Variants in ADGRE1 observed in about 807,000 individuals in gnomAD.
ADGRE1 encodes EGF-like module receptor 1.
ADGRE1 carries 82 observed loss-of-function variants against 102.7 expected under a neutral mutation model. That is an observed-to-expected ratio of 0.80 (90% CI 0.67 to 0.96). The LOEUF (loss-of-function observed/expected upper bound fraction) is 0.96, where lower values mean the gene tolerates loss of function less well. Ranked by LOEUF, ADGRE1 falls within the 40% of genes least tolerant of loss-of-function variation. The probability of loss-of-function intolerance (pLI) is 0.00; values close to 1 mark genes in which losing one functional copy is unlikely to be tolerated. For synonymous variants in ADGRE1, 398 were observed against 399.6 expected, an observed-to-expected ratio of 1.00 and a Z score of 0.05; for missense variants, 1,032 against 1,085.3, an observed-to-expected ratio of 0.95 and a Z score of 0.69.
At chr19:6,893,167 A>G (rs1568334794) in intron 2 of ADGRE1, among the ~76,000 whole-genome samples, 1 of 152,142 alleles carries the variant, frequency 6.6e-6, no homozygotes, top group Non-Finnish European at 1.5e-5. Context: ...TGTTTCTGCA[A>G]AGGATGGGAT....
In ADGRE1 at chr19:6,887,579, C is replaced by A; in HGVS notation, c.-30C>A. The A allele has an allele frequency of 6.2e-7, 1 of 1,610,906 alleles. No homozygotes were observed. Among genetic ancestry groups the A allele is most frequent in the Non-Finnish European group, 8.5e-7 (1 of 1,178,732 alleles). The stretch of plus-strand genomic sequence containing the variant: ...AAACCCAGCGTTAGTAGAAAAGTTT[C>A]TTTTCTTTGAATGACAGAACTACAG... On this transcript the variant is annotated 5_prime_UTR_variant, in exon 1 of 21. Coordinates refer to ENST00000312053, the MANE Select transcript of ADGRE1 (RefSeq NM_001974.5).
rs1973960701 is a variant in ADGRE1, at chr19:6,906,457, A to T, written c.974A>T (p.Asp325Val). Residue 325 changes from aspartate to valine, a missense_variant, in exon 9 of 21, where the codon GAT becomes GTT. Transcript: ENST00000312053. ...CQRVLFKCKE[D>V]VIPDNKQIQQ... Reference sequence around the variant, plus strand: ...GGGGTTCTCTTCAAATGTAAGGAAGATGTGATACCCGATAATAAGCAGATC... The same window carrying T: ...GGGGTTCTCTTCAAATGTAAGGAAGTTGTGATACCCGATAATAAGCAGATC... 3 of 1,613,900 alleles carry T rather than the reference A, an allele frequency of 1.9e-6. No individual in the cohort carries two copies. The highest frequency in any genetic ancestry group is 2.2e-5 in the East Asian group (1 of 44,882).
chr19:6,901,275 A>G (rs149028459), intron 5 of ADGRE1, among the ~76,000 whole-genome samples: 36 of 152,324 alleles, frequency 2.4e-4, no homozygotes, highest in African/African-American at 8.4e-4. Context: ...TGGGTCTCAC[A>G]TGTCTGGGGC....
chr19:6,898,325 A>T lies in ADGRE1; in HGVS notation c.514+778A>T, dbSNP rs1973645038. ...TGTCTAGATATTGATGAATGTTCTC[A>T]AAGCCCCCAGCCCTGTGGTCCTAAT... On this transcript the variant is annotated intron_variant, in intron 5 of 20. Coordinates refer to ENST00000312053, the MANE Select transcript of ADGRE1 (RefSeq NM_001974.5). 9 of 1,597,432 alleles carry T rather than the reference A, an allele frequency of 5.6e-6. No individual in the cohort carries two copies. The Admixed American group carries it at 1.5e-4, about 27-fold the overall frequency.
At chr19:6,922,387 G>A (rs936566110) in intron 14 of ADGRE1, among the ~76,000 whole-genome samples, 8 of 151,950 alleles carry the variant, frequency 5.3e-5, no homozygotes, top group East Asian at 1.9e-4. Flanking sequence ...AGGCTGAGGC[G>A]GGCGGATCAT....
chr19:6,903,279 C>T (rs565704390), intron 6 of ADGRE1, among the ~76,000 whole-genome samples: 22 of 152,296 alleles, frequency 1.4e-4, no homozygotes, highest in African/African-American at 5.1e-4. Context: ...CACTGGTGGG[C>T]ATGTCTTATG....
rs796577847 is a variant in ADGRE1 at position 6,897,097 on chromosome 19, T to G, written c.239-52T>G. The G allele has an allele frequency of 7.2e-6, 6 of 837,490 alleles. No homozygotes were observed. In the African/African-American group the frequency reaches 1.8e-4, roughly 25 times the overall value. 51.9% of individuals were successfully genotyped at this position (837,490 alleles called of 1,614,324 possible). Reference sequence around the variant, plus strand: ...TTTTTTTTTTTTTTTTTTTGCAAAATACAGTCTTCTATCTAGTATAAGTAA... The same window carrying G: ...TTTTTTTTTTTTTTTTTTTGCAAAAGACAGTCTTCTATCTAGTATAAGTAA... On this transcript the variant is annotated intron_variant, in intron 3 of 20. Coordinates refer to ENST00000312053, the MANE Select transcript of ADGRE1 (RefSeq NM_001974.5).
chr19:6,890,505 A>C lies in ADGRE1; in HGVS notation c.56A>C (p.Glu19Ala). 6.3e-7 allele frequency: 1 copy of C among 1,578,826 alleles called. No individual in the cohort carries two copies. The highest frequency in any genetic ancestry group is 8.6e-7 in the Non-Finnish European group (1 of 1,165,690). The change falls in exon 2 of 21, where the codon GAA becomes GCA. Residue 19 changes from glutamate to alanine, a missense_variant. Glu to Ala is a moderately radical substitution (Grantham distance 107). Transcript: ENST00000312053. ...GGATGTTGTGTTATGCACAGCTGGG[A>C]AGGGCACATAAGACCCACACGGAAA... The part of the protein sequence containing the change: ...FWGCCVMHSW[E>A]GHIRPTRKPN...
Position 6,924,768 on chromosome 19 carries a change from C to A in ADGRE1, c.1882C>A (p.Arg628Ser). Residue 628 changes from arginine to serine, a missense_variant, in exon 15 of 21, where the codon CGC becomes AGC. Transcript: ENST00000312053. ...VLAIATFLLCRSIRNHNTYLH... is the reference protein window; with the variant it reads ...VLAIATFLLCSSIRNHNTYLH... ...GGCCATCGCCACCTTTCTGCTGTGT[C>A]GCTCCATCCGAAATCACAACACCTA... is the stretch of plus-strand genomic sequence containing the variant. 1 of 1,614,098 alleles carries A rather than the reference C, an allele frequency of 6.2e-7. No homozygotes were observed. Among genetic ancestry groups the A allele is most frequent in the Non-Finnish European group, 8.5e-7 (1 of 1,180,024 alleles).
At chr19:6,890,157 C>G (rs1216623923) in intron 1 of ADGRE1, among the ~76,000 whole-genome samples, 2 of 152,216 alleles carry the variant, frequency 1.3e-5, no homozygotes, top group African/African-American at 4.8e-5. Flanking sequence ...CTCAAGTGAT[C>G]CTCCCACCTT....
intron 17 of ADGRE1, among the ~76,000 whole-genome samples, chr19:6,928,870 C>T (rs2145009625): frequency 6.6e-6 from 1 of 150,682 alleles, no homozygotes; most frequent in East Asian, 2.0e-4. Context: ...ACCAGGGAGG[C>T]AGAGGTTGCG....
chr19:6,908,315 C>T (rs905195284), intron 9 of ADGRE1, among the ~76,000 whole-genome samples: 39 of 152,314 alleles, frequency 2.6e-4, no homozygotes, highest in Admixed American at 2.4e-3. Flanking sequence ...GGGTAAACCT[C>T]GTTCAAGGCT....
chr19:6,927,349 G>C (rs1028415351), intron 16 of ADGRE1, among the ~76,000 whole-genome samples: 6 of 125,382 alleles, frequency 4.8e-5, no homozygotes, highest in African/African-American at 1.9e-4. Flanking sequence ...TCCTTTCTTC[G>C]AATAAACAAT....
At chr19:6,906,960 C>T (rs546029148) in intron 9 of ADGRE1, among the ~76,000 whole-genome samples, 2 of 152,192 alleles carry the variant, frequency 1.3e-5, no homozygotes, top group East Asian at 3.9e-4. Context: ...TGAGGATTCT[C>T]TTAATAAAAG....
rs1386884223 is a variant in ADGRE1, at chr19:6,926,298, T to C, written c.1987-68T>C. ...GGAATTTCCAGCCGAGGAGTCTCTC[T>C]CTTCCTTTCTTCCTTTCGATTTCTC... On this transcript the variant is annotated intron_variant, in intron 15 of 20. Transcript: ENST00000312053. 3 of 1,549,768 alleles carry C rather than the reference T, an allele frequency of 1.9e-6. No individual in the cohort carries two copies. In the East Asian group the frequency reaches 6.8e-5, roughly 35 times the overall value.
chr19:6,921,842 A>T lies in ADGRE1; in HGVS notation c.1750A>T (p.Met584Leu). 1 of 1,614,158 alleles carries T rather than the reference A, an allele frequency of 6.2e-7. No homozygotes were observed. Among genetic ancestry groups the T allele is most frequent in the Non-Finnish European group, 8.5e-7 (1 of 1,180,006 alleles). The change falls in exon 14 of 21, where the codon ATG becomes TTG. Residue 584 changes from methionine (M) to leucine (L), a missense_variant. Transcript: ENST00000312053. ...ATATACCATCTGCAGCTGTAATCAG[A>T]TGGCAAATCTTGCCGTTATCATGGC... ...ETYTICSCNQ[M>L]ANLAVIMASG...
chr19:6,919,638 C>T lies in ADGRE1; in HGVS notation c.1511C>T (p.Thr504Ile). 6.2e-7 allele frequency: 1 copy of T among 1,613,506 alleles called. No individual in the cohort carries two copies. The highest frequency in any genetic ancestry group is 1.3e-5 in the African/African-American group (1 of 74,780). Residue 504 changes from threonine (T) to isoleucine (I), a missense_variant, in exon 13 of 21, where the codon ACC becomes ATC. Thr to Ile is a moderately conservative substitution (Grantham distance 89, BLOSUM62 -1). Transcript: ENST00000312053. ...FFKDHQAPLT[T>I]SEIKLKMNSR... ...AAAGACCACCAGGCTCCCTTGACCACCTCTGAGATCAAGCTGAAGATGAAT... is the reference window on the plus strand; with the variant it reads ...AAAGACCACCAGGCTCCCTTGACCATCTCTGAGATCAAGCTGAAGATGAAT...
At chr19:6,893,815 G>A (rs1245739680) in intron 2 of ADGRE1, among the ~76,000 whole-genome samples, 3 of 152,218 alleles carry the variant, frequency 2.0e-5, no homozygotes, top group Admixed American at 2.0e-4. Flanking sequence ...CATTCTGGAG[G>A]TCAGAAGTCT....
intron 11 of ADGRE1, among the ~76,000 whole-genome samples, chr19:6,914,910 A>G (rs913624403): frequency 7.2e-5 from 11 of 152,220 alleles, no homozygotes; most frequent in Non-Finnish European, 1.5e-4. Flanking sequence ...AATTCAAGGA[A>G]CAATGAGGTG....
Sources: gnomAD v4.1 joint callset for allele counts (sites outside exome capture counted in the v4.1 genomes callset) on GRCh38, gnomAD v4.1.1 for gene constraint, MANE v1.5 for transcripts, NCBI Gene and HGNC (gene_info 2026-07-23, HGNC 2026-07-21) for gene names.